The following NLN variants were observed in gnomAD, a reference collection of about 807,000 sequenced individuals.
NLN encodes the protein neurolysin.
Under a neutral mutation model 79.9 loss-of-function variants are expected in NLN, and 64 were observed. The observed-to-expected ratio is 0.80, with a 90% CI of 0.65 to 0.99. The LOEUF (loss-of-function observed/expected upper bound fraction) is 0.99. Ranked by LOEUF, NLN falls within the 50% of genes least tolerant of loss-of-function variation. The pLI is 0.00. For synonymous variants in NLN, 267 were observed against 296.6 expected, an observed-to-expected ratio of 0.90 and a Z score of 1.02; for missense variants, 835 against 858.7, an observed-to-expected ratio of 0.97 and a Z score of 0.34.
rs1351155234 is a variant in NLN, at chr5:65,823,454, A to G, written c.*539A>G. 2 of 152,388 alleles carry G rather than the reference A, an allele frequency of 1.3e-5. No individual in the cohort carries two copies. Among genetic ancestry groups the G allele is most frequent in the Non-Finnish European group, 1.5e-5 (1 of 68,214 alleles). 9.4% of individuals were successfully genotyped at this position (152,388 alleles called of 1,614,324 possible). ...GGGAATATGCCTCAGTGATGCATTT[A>G]TCTTTGTATATCAGGCCGCATGATT... On this transcript the variant is annotated 3_prime_UTR_variant, in exon 13 of 13. Transcript: ENST00000380985.
At chr5:65,728,376 T>C (rs1758526323) in intron 1 of NLN, among the ~76,000 whole-genome samples, 1 of 152,208 alleles carries the variant, frequency 6.6e-6, no homozygotes, top group African/African-American at 2.4e-5. Context: ...ATGTCAACTA[T>C]TCCCAACTTC....
chr5:65,807,286 A>G (rs1760435423), intron 9 of NLN, among the ~76,000 whole-genome samples: 1 of 151,980 alleles, frequency 6.6e-6, no homozygotes, highest in Admixed American at 6.6e-5. Context: ...GATTATAACT[A>G]CCACCATGAT....
intron 9 of NLN, among the ~76,000 whole-genome samples, chr5:65,796,572 T>C (rs2150766674): frequency 6.6e-6 from 1 of 152,374 alleles, no homozygotes; most frequent in East Asian, 1.9e-4. Flanking sequence ...CTTTACTTGG[T>C]CATATCTTCA....
intron 1 of NLN, among the ~76,000 whole-genome samples, chr5:65,748,625 C>T (rs1561184843): frequency 6.6e-6 from 1 of 152,050 alleles, no homozygotes; most frequent in Admixed American, 6.6e-5. Context: ...CATGATGGTG[C>T]ATGCCTATAG....
intron 1 of NLN, among the ~76,000 whole-genome samples, chr5:65,748,456 A>G (rs1759032446): frequency 6.6e-6 from 1 of 151,918 alleles, no homozygotes; most frequent in Admixed American, 6.6e-5. Context: ...CTTGGAGTGA[A>G]ATAGGTTAAG....
chr5:65,752,595 G>C (rs761615206), intron 1 of NLN, among the ~76,000 whole-genome samples: 1 of 152,168 alleles, frequency 6.6e-6, no homozygotes, highest in Non-Finnish European at 1.5e-5. Flanking sequence ...CCCAGGTGCA[G>C]TTCTTTCCAG....
chr5:65,768,763 G>T (rs1180946212), intron 3 of NLN, among the ~76,000 whole-genome samples: 3 of 152,190 alleles, frequency 2.0e-5, no homozygotes, highest in Non-Finnish European at 4.4e-5. Context: ...GGCACGGGTT[G>T]GGAGGTGGGG....
chr5:65,805,886 T>G (rs193111067), intron 9 of NLN, among the ~76,000 whole-genome samples: 96 of 152,344 alleles, frequency 6.3e-4, no homozygotes, highest in African/African-American at 2.2e-3. Context: ...ACTCTCCTCT[T>G]AGGAGTTAAT....
chr5:65,821,778 T>C (rs1018992867), intron 12 of NLN, among the ~76,000 whole-genome samples: 2 of 152,194 alleles, frequency 1.3e-5, no homozygotes, highest in Non-Finnish European at 2.9e-5. Flanking sequence ...CCCCAAAAGT[T>C]TGTGTTCTTA....
intron 1 of NLN, among the ~76,000 whole-genome samples, chr5:65,737,274 TAATA>T (rs1480579971): frequency 6.6e-6 from 1 of 152,144 alleles, no homozygotes; most frequent in Non-Finnish European, 1.5e-5. Context: ...AAAAGTAAAC[TAATA>T]AATCTCTAAA....
chr5:65,778,627 G>T (rs1193128585), intron 4 of NLN, among the ~76,000 whole-genome samples: 4 of 152,196 alleles, frequency 2.6e-5, no homozygotes, highest in Non-Finnish European at 5.9e-5. Context: ...TTAAACGAGA[G>T]ATTTATTTGC....
At chr5:65,775,459 A>G (rs1017114647) in intron 3 of NLN, among the ~76,000 whole-genome samples, 1 of 152,078 alleles carries the variant, frequency 6.6e-6, no homozygotes, top group Non-Finnish European at 1.5e-5. Flanking sequence ...CTGGGTCCTT[A>G]ACAACTTACC....
chr5:65,746,262 GA>G (rs1227879570), intron 1 of NLN, among the ~76,000 whole-genome samples: 2 of 152,162 alleles, frequency 1.3e-5, no homozygotes, highest in Non-Finnish European at 2.9e-5. Flanking sequence ...TAAAAATCAT[GA>G]GGGAACAGCC....
At position 65,732,360 on chromosome 5, in the gene NLN, G is replaced by A. The variant is rs532177379; in HGVS notation, c.41+9946G>A. 2.1e-5 allele frequency among the ~76,000 whole-genome samples: 2 copies of A among 93,750 alleles called. 1 individual carries two copies. Among genetic ancestry groups the A allele is most frequent in the African/African-American group, 8.5e-5 (2 of 23,426 alleles). The allele number at this position is 93,750 out of a possible 152,430, so 61.5% of individuals were successfully genotyped here. ...TCAGATCTAGGGAGGGTGCATTTGT[G>A]AATTCCTTTTTAGGAAGTGTGTTTG... is the stretch of plus-strand genomic sequence containing the variant. On this transcript the variant is annotated intron_variant, in intron 1 of 12. Transcript: ENST00000380985.
rs536111074 is a variant in NLN at position 65,787,011 on chromosome 5, G to T, written c.958+1101G>T. ...GATGGCTCAGAGAGTTAACAGGTTT[G>T]TAAAGAATGTTTCCTTCAGTGGTGA... On this transcript the variant is annotated intron_variant, in intron 7 of 12. Coordinates refer to ENST00000380985, the MANE Select transcript of NLN (RefSeq NM_020726.5). Among the ~76,000 whole-genome samples, 369 of 152,320 alleles carry T rather than the reference G, an allele frequency of 2.4e-3. 1 individual carries two copies. Among genetic ancestry groups the T allele is most frequent in the Non-Finnish European group, 4.1e-3 (281 of 68,032 alleles).
chr5:65,764,162 C>G (rs995885877), intron 3 of NLN, among the ~76,000 whole-genome samples: 2 of 151,896 alleles, frequency 1.3e-5, no homozygotes, highest in Non-Finnish European at 2.9e-5. Context: ...TTTCCAGTTT[C>G]CTTTGATTAA....
intron 1 of NLN, among the ~76,000 whole-genome samples, chr5:65,743,971 G>T (rs989046600): frequency 2.0e-5 from 3 of 152,164 alleles, no homozygotes; most frequent in African/African-American, 7.2e-5. Flanking sequence ...GTCTTTCCTA[G>T]ATTCCCCAAG....
intron 1 of NLN, among the ~76,000 whole-genome samples, chr5:65,742,107 A>T (rs570074780): frequency 6.6e-6 from 1 of 152,154 alleles, no homozygotes; most frequent in African/African-American, 2.4e-5. Flanking sequence ...TTTTATTCAT[A>T]TCTCTTAAAA....
chr5:65,798,776 G>A (rs1213366646), intron 9 of NLN, among the ~76,000 whole-genome samples: 1 of 152,156 alleles, frequency 6.6e-6, no homozygotes. Context: ...AATGCATAAT[G>A]TTTATTTGGG....
Sources: gnomAD v4.1 joint callset for allele counts (sites outside exome capture counted in the v4.1 genomes callset) on GRCh38, gnomAD v4.1.1 for gene constraint, MANE v1.5 for transcripts, NCBI Gene and HGNC (gene_info 2026-07-23, HGNC 2026-07-21) for gene names.